SLC9B2: variants seen among roughly 807,000 people sequenced by gnomAD.
SLC9B2 encodes sodium/hydrogen exchanger 9B2.
SLC9B2 carries 39 observed loss-of-function variants against 52.2 expected under a neutral mutation model. The observed-to-expected ratio is 0.75, with a 90% CI of 0.58 to 0.98. SLC9B2 has a LOEUF of 0.98. Among genes scored for constraint, SLC9B2 ranks in the 50% least tolerant of loss-of-function variants. The pLI, the probability that SLC9B2 is intolerant of heterozygous loss-of-function variation, is 0.00. For missense variants in SLC9B2, 626 were observed against 637.5 expected, an observed-to-expected ratio of 0.98 and a Z score of 0.19; for synonymous variants, 214 against 227.0, an observed-to-expected ratio of 0.94 and a Z score of 0.51.
chr4:103,046,280 C>T (rs769225654), intron 7 of SLC9B2, among the ~76,000 whole-genome samples: 7 of 152,126 alleles, frequency 4.6e-5, no homozygotes, highest in Non-Finnish European at 1.0e-4. Context: ...AATTTTATAT[C>T]CCAATTTTGA....
At chr4:103,037,939 C>T (rs963280714) in intron 9 of SLC9B2, among the ~76,000 whole-genome samples, 3 of 151,374 alleles carry the variant, frequency 2.0e-5, no homozygotes, top group African/African-American at 7.3e-5. Flanking sequence ...TGGCTCATGG[C>T]AACCTTCATC....
intron 9 of SLC9B2, among the ~76,000 whole-genome samples, chr4:103,043,016 G>A (rs1201796424): frequency 6.6e-6 from 1 of 151,600 alleles, no homozygotes; most frequent in African/African-American, 2.4e-5. Flanking sequence ...TAGAAACAAC[G>A]TAAATATCTA....
intron 3 of SLC9B2, among the ~76,000 whole-genome samples, chr4:103,060,399 A>C (rs1050748292): frequency 6.6e-6 from 1 of 151,774 alleles, no homozygotes; most frequent in African/African-American, 2.4e-5. Flanking sequence ...AAATCTATTC[A>C]TTTTTAAAAG....
intron 8 of SLC9B2, among the ~76,000 whole-genome samples, chr4:103,043,862 T>A (rs1474077530): frequency 6.6e-6 from 1 of 152,208 alleles, no homozygotes; most frequent in Non-Finnish European, 1.5e-5. Flanking sequence ...TGTGTGAAGG[T>A]TAAATATATA....
intron 4 of SLC9B2, among the ~76,000 whole-genome samples, chr4:103,054,572 G>A (rs577982638): frequency 6.6e-6 from 1 of 152,278 alleles, no homozygotes; most frequent in African/African-American, 2.4e-5. Flanking sequence ...TCACAACTCT[G>A]CCAGTATAAT....
chr4:103,055,204 A>T (rs1005352528), intron 4 of SLC9B2, among the ~76,000 whole-genome samples: 2 of 133,534 alleles, frequency 1.5e-5, no homozygotes, highest in Non-Finnish European at 3.1e-5. Context: ...ACACATGGAC[A>T]CAGGAAGGGG....
At chr4:103,061,657 A>G (rs1745654334) in intron 3 of SLC9B2, among the ~76,000 whole-genome samples, 1 of 152,084 alleles carries the variant, frequency 6.6e-6, no homozygotes, top group African/African-American at 2.4e-5. Context: ...CTTAAAGTAT[A>G]ATAATAATTA....
intron 4 of SLC9B2, among the ~76,000 whole-genome samples, chr4:103,053,306 T>C (rs1276804637): frequency 1.3e-5 from 2 of 152,242 alleles, no homozygotes; most frequent in Non-Finnish European, 2.9e-5. Flanking sequence ...GTTTCCTTTA[T>C]GGATTCAGAT....
At chr4:103,073,980 T>C (rs1347538543) in intron 1 of SLC9B2, among the ~76,000 whole-genome samples, 1 of 152,208 alleles carries the variant, frequency 6.6e-6, no homozygotes, top group Non-Finnish European at 1.5e-5. Context: ...TTGCCACTTA[T>C]TGGCTAAGGA....
intron 5 of SLC9B2, 50 bp from the exon 6 acceptor site, chr4:103,049,070 A>T: frequency 1.3e-6 from 2 of 1,594,876 alleles, no homozygotes. Flanking sequence ...AGATGTGCAG[A>T]GAAGATGACC....
chr4:103,022,080 G>C (rs952251636), downstream of SLC9B2, among the ~76,000 whole-genome samples: 1 of 152,184 alleles, frequency 6.6e-6, no homozygotes, highest in Admixed American at 6.5e-5. Flanking sequence ...ATTCATATTT[G>C]TATTCCTCAC....
Position 103,050,297 on chromosome 4 carries a change from C to T in SLC9B2, c.528G>A (p.Leu176=). ...VQIKHKWSSS[L]RSIALSIILV... is the part of the protein sequence containing the mutation. ...GAATGATAGACAGGGCTATGCTTCT[C>T]AAAGAGGAAGACCACTTGTGCTTGA... is the stretch of plus-strand genomic sequence containing the variant. The change falls in exon 5 of 12, where the codon TTG becomes TTA. Residue 176 remains leucine (L), a synonymous_variant. Coordinates refer to ENST00000394785, the MANE Select transcript of SLC9B2 (RefSeq NM_178833.7). The T allele has an allele frequency of 1.2e-6, 2 of 1,609,690 alleles. No homozygotes were observed. The highest frequency in any genetic ancestry group is 2.2e-5 in the East Asian group (1 of 44,448).
intron 6 of SLC9B2, among the ~76,000 whole-genome samples, chr4:103,047,471 C>T (rs1428413752): frequency 1.3e-5 from 2 of 150,888 alleles, no homozygotes; most frequent in Non-Finnish European, 2.9e-5. Context: ...TATACATGTG[C>T]CATGTTGTTC....
At chr4:103,059,240 C>A (rs1745421413) in intron 3 of SLC9B2, among the ~76,000 whole-genome samples, 2 of 152,174 alleles carry the variant, frequency 1.3e-5, no homozygotes, top group Admixed American at 6.5e-5. Context: ...TGAATCTACA[C>A]ACTGACATTT....
Position 103,026,652 on chromosome 4 carries a change from AGTT to A in SLC9B2, c.1393-64_1393-62del, listed in dbSNP as rs1278558815. 4 of 1,497,116 alleles carry A rather than the reference AGTT, an allele frequency of 2.7e-6. No individual in the cohort carries two copies. In the African/African-American group the frequency reaches 5.6e-5, roughly 21 times the overall value. The allele number at this position is 1,497,116 out of a possible 1,614,324, so 92.7% of individuals were successfully genotyped here. A position where few individuals can be genotyped will look rare whatever the true frequency, so the allele number is the denominator to read the frequency against. On this transcript the variant is annotated intron_variant, in intron 11 of 11. Transcript: ENST00000394785. The stretch of plus-strand genomic sequence containing the variant: ...AAGATAAGCACATATAAAAAAAGTG[AGTT>A]TTTTATTGTTTGCAAAAGCAAATTG...
Position 103,060,896 on chromosome 4 carries a change from C to G in SLC9B2, c.272-2925G>C, listed in dbSNP as rs185041284. On this transcript the variant is annotated intron_variant, in intron 3 of 11. Transcript: ENST00000394785. ...TTAAACATTTTTATTGGCGACTCCA[C>G]ACCTGCCCCAGCCAGCAACTACAGT... 3.7e-4 allele frequency among the ~76,000 whole-genome samples: 56 copies of G among 152,318 alleles called. 2 individuals carry two copies. Among genetic ancestry groups the G allele is most frequent in the Admixed American group, 3.3e-3 (51 of 15,302 alleles).
intron 7 of SLC9B2, among the ~76,000 whole-genome samples, chr4:103,046,613 G>A (rs1474666721): frequency 4.0e-5 from 6 of 151,730 alleles, no homozygotes; most frequent in African/African-American, 9.7e-5. Context: ...CACTTGGACT[G>A]CTCTCTGTCA....
intron 1 of SLC9B2, among the ~76,000 whole-genome samples, chr4:103,072,530 A>T (rs1286485246): frequency 6.6e-6 from 1 of 152,238 alleles, no homozygotes; most frequent in Admixed American, 6.5e-5. Context: ...TTTCACATAG[A>T]GAGATATTTG....
chr4:103,048,625 G>A lies in SLC9B2; in HGVS notation c.713+268C>T, dbSNP rs77814866. 86 of 287,344 alleles carry A rather than the reference G, an allele frequency of 3.0e-4. 3 individuals are homozygous for A. The East Asian group carries it at 6.1e-3, about 20-fold the overall frequency. The allele number at this position is 287,344 out of a possible 1,614,324, so 17.8% of individuals were successfully genotyped here. A position where few individuals can be genotyped will look rare whatever the true frequency, so the allele number is the denominator to read the frequency against. On this transcript the variant is annotated intron_variant, in intron 6 of 11. Coordinates refer to ENST00000394785, the MANE Select transcript of SLC9B2 (RefSeq NM_178833.7). ...TTTGTGCAGACGTTAGGTGGAATCC[G>A]GTATCTCTTTAACAGGCATTGAATC... is the stretch of plus-strand genomic sequence containing the variant.
Sources: allele counts gnomAD v4.1 joint callset (sites outside exome capture counted in the v4.1 genomes callset), GRCh38; gene constraint gnomAD v4.1.1; transcripts MANE v1.5; gene names NCBI Gene and HGNC (gene_info 2026-07-23, HGNC 2026-07-21).